GLI2: variants seen among roughly 807,000 people sequenced by gnomAD.
The protein encoded by GLI2 is GLI family zinc finger 2, also known as transcription activator GLI2.
GLI2 carries 22 observed loss-of-function variants against 78.9 expected under a neutral mutation model. The observed-to-expected ratio is 0.28, with a 90% CI of 0.20 to 0.40. The LOEUF (loss-of-function observed/expected upper bound fraction) is 0.40, where lower values mean the gene tolerates loss of function less well. GLI2 is among the 10% of genes least tolerant of loss of function. The probability of loss-of-function intolerance (pLI) is 1.00; values close to 1 mark genes in which losing one functional copy is unlikely to be tolerated. For missense variants in GLI2, 2,097 were observed against 2,213.2 expected, an observed-to-expected ratio of 0.95 and a Z score of 1.05; for synonymous variants, 974 against 963.7, an observed-to-expected ratio of 1.01 and a Z score of -0.20.
intron 2 of GLI2, among the ~76,000 whole-genome samples, chr2:120,874,795 A>G (rs917803838): frequency 6.6e-6 from 1 of 152,176 alleles, no homozygotes; most frequent in Admixed American, 6.5e-5. Context: ...AGAAGAAAAG[A>G]GTAGGAAATG....
intron 2 of GLI2, among the ~76,000 whole-genome samples, chr2:120,877,076 A>C (rs1028666837): frequency 6.6e-5 from 10 of 152,184 alleles, no homozygotes; most frequent in Non-Finnish European, 1.2e-4. Flanking sequence ...TCAGCCGGTG[A>C]TGCATTTGCA....
At chr2:120,899,104 A>T (rs1678120966) in intron 2 of GLI2, among the ~76,000 whole-genome samples, 2 of 152,170 alleles carry the variant, frequency 1.3e-5, no homozygotes, top group African/African-American at 4.8e-5. Context: ...CCTCTGAAGG[A>T]CAGCAAGCCT....
intron 2 of GLI2, among the ~76,000 whole-genome samples, chr2:120,808,165 G>A (rs936123088): frequency 3.9e-5 from 6 of 152,140 alleles, no homozygotes; most frequent in African/African-American, 1.4e-4. Context: ...GTATGGAGCC[G>A]GGCAGTGGAC....
chr2:120,988,644 C>T lies in GLI2; in HGVS notation c.2679C>T (p.Arg893=). The T allele has an allele frequency of 1.4e-6, 2 of 1,430,406 alleles. No homozygotes were observed. The highest frequency in any genetic ancestry group is 2.7e-5 in the South Asian group (2 of 74,530). 88.6% of individuals were successfully genotyped at this position (1,430,406 alleles called of 1,614,324 possible). A position where few individuals can be genotyped will look rare whatever the true frequency, so the allele number is the denominator to read the frequency against. The change falls in exon 14 of 14, where the codon CGC becomes CGT. Residue 893 remains arginine (R), a synonymous_variant. Coordinates refer to ENST00000361492, the MANE Select transcript of GLI2 (RefSeq NM_001374353.1). ...PPPTPLPGLE[R]MSLRTRLALL... ...CCACTCCGCTGCCGGGCCTGGAGCG[C>T]ATGAGCCTGCGGACCAGGCTGGCGC...
intron 5 of GLI2, among the ~76,000 whole-genome samples, chr2:120,959,713 G>A (rs1294274385): frequency 1.3e-5 from 2 of 152,184 alleles, no homozygotes; most frequent in Non-Finnish European, 2.9e-5. Flanking sequence ...TGGGAGCTGG[G>A]GAGGTGTTTT....
At chr2:120,951,087 A>T (rs10864866) in intron 3 of GLI2, among the ~76,000 whole-genome samples, 156 bp from the exon 4 acceptor site, 1 of 152,160 alleles carries the variant, frequency 6.6e-6, no homozygotes, top group African/African-American at 2.4e-5. Context: ...TGTAATTCAC[A>T]GATGACCAGG....
At chr2:120,944,852 A>T (rs545286764) in intron 3 of GLI2, among the ~76,000 whole-genome samples, 1 of 152,364 alleles carries the variant, frequency 6.6e-6, no homozygotes, top group East Asian at 1.9e-4. Flanking sequence ...CGTTCTGCAA[A>T]TGCTGACGAC....
chr2:120,764,031 C>G (rs1302787116), intron 1 of GLI2, among the ~76,000 whole-genome samples: 1 of 152,220 alleles, frequency 6.6e-6, no homozygotes, highest in African/African-American at 2.4e-5. Flanking sequence ...CAAGAAGAGC[C>G]ACACTGGTGA....
intron 4 of GLI2, among the ~76,000 whole-genome samples, chr2:120,952,265 A>G (rs62152002): frequency 0.015 from 2,331 of 152,354 alleles, 25 homozygotes; most frequent in Non-Finnish European, 0.024. Context: ...GCCAAGTGCA[A>G]CTTCTCAGAA....
At chr2:120,918,090 G>A (rs1679187692) in intron 2 of GLI2, among the ~76,000 whole-genome samples, 1 of 152,234 alleles carries the variant, frequency 6.6e-6, no homozygotes, top group Admixed American at 6.5e-5. Flanking sequence ...TCTGTGCATG[G>A]AGAACTCTGC....
At chr2:120,971,837 C>A in intron 7 of GLI2, 104 bp from the exon 8 acceptor site, 1 of 972,504 alleles carries the variant, frequency 1.0e-6, no homozygotes, top group Non-Finnish European at 1.7e-6. Flanking sequence ...CAGGGTTAGC[C>A]CAGATGGTCT....
intron 2 of GLI2, among the ~76,000 whole-genome samples, chr2:120,865,769 G>A (rs1337676940): frequency 1.3e-5 from 2 of 152,356 alleles, no homozygotes; most frequent in Non-Finnish European, 2.9e-5. Flanking sequence ...GCCGTGGGGA[G>A]GGTATATGCG....
At chr2:120,758,849 C>T (rs1239858039) in intron 1 of GLI2, among the ~76,000 whole-genome samples, 1 of 152,150 alleles carries the variant, frequency 6.6e-6, no homozygotes, top group Non-Finnish European at 1.5e-5. Context: ...CCTACCATCT[C>T]GTTGCACAGA....
In GLI2 at chr2:120,797,292, A is replaced by G. The variant is rs978281675; in HGVS notation, c.-29A>G. 1 of 1,612,890 alleles carries G rather than the reference A, an allele frequency of 6.2e-7. No homozygotes were observed. The highest frequency in any genetic ancestry group is 8.5e-7 in the Non-Finnish European group (1 of 1,179,306). ...GAGTGTCTTTGTCTTCTCTTTTAGG[A>G]TTGCCACCCAGGACGATGAGCGGCT... On this transcript the variant is annotated splice_region_variant and 5_prime_UTR_variant, in exon 2 of 14. Coordinates refer to ENST00000361492, the MANE Select transcript of GLI2 (RefSeq NM_001374353.1).
intron 2 of GLI2, among the ~76,000 whole-genome samples, chr2:120,861,472 G>T (rs987312116): frequency 6.6e-6 from 1 of 152,138 alleles, no homozygotes; most frequent in Non-Finnish European, 1.5e-5. Flanking sequence ...GGCTGGAGTC[G>T]CCCACGCTAT....
At chr2:120,973,619 C>T (rs1166382219) in intron 8 of GLI2, among the ~76,000 whole-genome samples, 1 of 152,226 alleles carries the variant, frequency 6.6e-6, no homozygotes, top group Non-Finnish European at 1.5e-5. Flanking sequence ...CCACTCTCCC[C>T]ATGGTCTCAC....
At chr2:120,845,293 A>G (rs1379086529) in intron 2 of GLI2, among the ~76,000 whole-genome samples, 1 of 152,084 alleles carries the variant, frequency 6.6e-6, no homozygotes, top group African/African-American at 2.4e-5. Context: ...ACTAAAAATG[A>G]AGGAGAAAGA....
intron 1 of GLI2, among the ~76,000 whole-genome samples, chr2:120,774,467 A>G (rs1242504331): frequency 6.6e-6 from 1 of 152,180 alleles, no homozygotes; most frequent in Non-Finnish European, 1.5e-5. Flanking sequence ...TATACCCATT[A>G]GCAGTCGCTC....
At position 120,990,677 on chromosome 2, in the gene GLI2, G is replaced by A. The variant is rs1198928603; in HGVS notation, c.*2G>A. ...AAGTTCCTGAACATGATGACCTAGA[G>A]GCCCGAGCGCCTGGTGCTGAGTGCA... On this transcript the variant is annotated 3_prime_UTR_variant, in exon 14 of 14. Coordinates refer to ENST00000361492, the MANE Select transcript of GLI2 (RefSeq NM_001374353.1). The A allele has an allele frequency of 1.9e-6, 3 of 1,610,666 alleles. No homozygotes were observed. In the Admixed American group the frequency reaches 5.0e-5, roughly 27 times the overall value.
Sources: gnomAD v4.1 joint callset for allele counts (sites outside exome capture counted in the v4.1 genomes callset) on GRCh38, gnomAD v4.1.1 for gene constraint, MANE v1.5 for transcripts, NCBI Gene and HGNC (gene_info 2026-07-23, HGNC 2026-07-21) for gene names.